The following BCHE variants were observed in gnomAD, a reference collection of about 807,000 sequenced individuals.
BCHE encodes butyrylcholinesterase.
In BCHE, 48 loss-of-function variants were observed where a neutral mutation model predicts 51.3. The observed-to-expected ratio is 0.94, with a 90% CI of 0.74 to 1.19. The LOEUF (loss-of-function observed/expected upper bound fraction) is 1.19. Ranked by LOEUF, BCHE falls within the 50% of genes most tolerant of loss-of-function variation. BCHE has a pLI of 0.00. For synonymous variants in BCHE, 251 were observed against 238.0 expected (o/e 1.05, Z -0.50); for missense variants, 847 against 708.2 (o/e 1.20, Z -2.23).
intron 2 of BCHE, among the ~76,000 whole-genome samples, chr3:165,817,039 T>C (rs1260809820): frequency 6.6e-6 from 1 of 152,072 alleles, no homozygotes; most frequent in African/African-American, 2.4e-5. Flanking sequence ...ATGTCTGAAA[T>C]AGAACTTTTG....
chr3:165,804,481 G>A (rs1576852674), intron 2 of BCHE, among the ~76,000 whole-genome samples: 1 of 152,280 alleles, frequency 6.6e-6, no homozygotes, highest in African/African-American at 2.4e-5. Flanking sequence ...ATAGTCATAT[G>A]TGGATGGGCT....
chr3:165,775,149 T>G (rs1712414992), intron 3 of BCHE, among the ~76,000 whole-genome samples: 1 of 152,104 alleles, frequency 6.6e-6, no homozygotes, highest in Non-Finnish European at 1.5e-5. Flanking sequence ...AAGATATTAC[T>G]TTGGAGGAGA....
In BCHE at chr3:165,830,230, C is replaced by T. The variant is rs758538643; in HGVS notation, c.804G>A (p.Arg268=). 1.2e-6 allele frequency: 2 copies of T among 1,613,990 alleles called. No homozygotes were observed. Among genetic ancestry groups the T allele is most frequent in the South Asian group, 2.2e-5 (2 of 91,074 alleles). ...ATTTAGCTAAGTTCAACGTTCTGTT[C>T]CTAGCTTCATAAAGAGATGTTACCG... ...PWAVTSLYEA[R]NRTLNLAKLT... Residue 268 remains arginine (R), a synonymous_variant, in exon 2 of 4, where the codon AGG becomes AGA. Coordinates refer to ENST00000264381, the MANE Select transcript of BCHE (RefSeq NM_000055.4).
At chr3:165,777,513 G>T (rs1712516494) in intron 3 of BCHE, among the ~76,000 whole-genome samples, 1 of 151,952 alleles carries the variant, frequency 6.6e-6, no homozygotes. Context: ...CAACTAAAAA[G>T]ATTATCTAAT....
chr3:165,802,947 T>C (rs1331228694), intron 2 of BCHE, among the ~76,000 whole-genome samples: 1 of 152,110 alleles, frequency 6.6e-6, no homozygotes, highest in Non-Finnish European at 1.5e-5. Flanking sequence ...TTCACCGTTT[T>C]AGCCTGGATG....
chr3:165,787,099 C>T (rs1371965980), intron 2 of BCHE, among the ~76,000 whole-genome samples: 1 of 151,696 alleles, frequency 6.6e-6, no homozygotes, highest in East Asian at 1.9e-4. Flanking sequence ...TGTCTAAACT[C>T]ATTCAAAACT....
intron 2 of BCHE, chr3:165,827,892 T>C: frequency 5.8e-6 from 2 of 342,164 alleles, no homozygotes; most frequent in South Asian, 4.5e-5. Flanking sequence ...AACCCACATA[T>C]CTTGAAAAGG....
At chr3:165,781,023 C>T (rs960298876) in intron 3 of BCHE, among the ~76,000 whole-genome samples, 1 of 152,090 alleles carries the variant, frequency 6.6e-6, no homozygotes, top group Non-Finnish European at 1.5e-5. Context: ...AGGTGGATCA[C>T]CTGAGGTCAG....
chr3:165,828,787 T>C (rs1409580330), intron 2 of BCHE, among the ~76,000 whole-genome samples: 1 of 152,140 alleles, frequency 6.6e-6, no homozygotes, highest in Non-Finnish European at 1.5e-5. Flanking sequence ...GAAAATATAT[T>C]CTAAATGGTT....
chr3:165,780,533 G>A (rs1712653705), intron 3 of BCHE, among the ~76,000 whole-genome samples: 1 of 152,124 alleles, frequency 6.6e-6, no homozygotes, highest in Non-Finnish European at 1.5e-5. Context: ...CTAATATCCA[G>A]AATCTACAAG....
chr3:165,804,256 G>T (rs1206225441), intron 2 of BCHE, among the ~76,000 whole-genome samples: 1 of 152,144 alleles, frequency 6.6e-6, no homozygotes, highest in Non-Finnish European at 1.5e-5. Context: ...AATATAGAAT[G>T]AGAGGATAAA....
At chr3:165,811,809 A>G (rs1366740908) in intron 2 of BCHE, among the ~76,000 whole-genome samples, 1 of 152,062 alleles carries the variant, frequency 6.6e-6, no homozygotes, top group Non-Finnish European at 1.5e-5. Context: ...AGGATTAAGA[A>G]ATAATAATCA....
chr3:165,785,644 A>T (rs1208238437), intron 3 of BCHE, among the ~76,000 whole-genome samples: 1 of 151,532 alleles, frequency 6.6e-6, no homozygotes, highest in Non-Finnish European at 1.5e-5. Context: ...AATATTTCCA[A>T]GTTCAGAATA....
chr3:165,821,135 G>A (rs1362336526), intron 2 of BCHE, among the ~76,000 whole-genome samples: 1 of 151,866 alleles, frequency 6.6e-6, no homozygotes, highest in Non-Finnish European at 1.5e-5. Flanking sequence ...CACTGTTCAT[G>A]TTAAGAGTAT....
chr3:165,794,969 T>G (rs1214126010), intron 2 of BCHE, among the ~76,000 whole-genome samples: 1 of 152,190 alleles, frequency 6.6e-6, no homozygotes, highest in Non-Finnish European at 1.5e-5. Context: ...TTTTTTCATG[T>G]CCAGTGCCTA....
intron 2 of BCHE, among the ~76,000 whole-genome samples, chr3:165,788,452 G>A (rs1056046321): frequency 3.3e-5 from 5 of 151,992 alleles, no homozygotes; most frequent in Non-Finnish European, 7.4e-5. Context: ...ATTTGAGAGA[G>A]GTCAAGGAGA....
chr3:165,792,269 C>A (rs148666266), intron 2 of BCHE, among the ~76,000 whole-genome samples: 178 of 152,032 alleles, frequency 1.2e-3, no homozygotes, highest in African/African-American at 4.1e-3. Context: ...ACTTCAAATT[C>A]ATTTAAAGGG....
At chr3:165,806,536 C>T (rs536610397) in intron 2 of BCHE, among the ~76,000 whole-genome samples, 71 of 152,288 alleles carry the variant, frequency 4.7e-4, no homozygotes, top group African/African-American at 1.3e-3. Context: ...GACTCCATAG[C>T]ACCTAGCCCA....
At chr3:165,826,876 C>T (rs1280926364) in intron 2 of BCHE, among the ~76,000 whole-genome samples, 5 of 152,064 alleles carry the variant, frequency 3.3e-5, no homozygotes, top group Non-Finnish European at 7.4e-5. Context: ...GGAATGCCGC[C>T]GTGTGCATTA....
Sources: gnomAD v4.1 joint callset for allele counts (sites outside exome capture counted in the v4.1 genomes callset) on GRCh38, gnomAD v4.1.1 for gene constraint, MANE v1.5 for transcripts, NCBI Gene and HGNC (gene_info 2026-07-23, HGNC 2026-07-21) for gene names.